MACROD2: variants seen among roughly 807,000 people sequenced by gnomAD.
MACROD2 encodes the protein ADP-ribose glycohydrolase MACROD2.
A neutral mutation model predicts 70.4 loss-of-function variants in MACROD2; 36 were observed. The ratio of observed to expected loss-of-function variants is 0.51; its 90% confidence interval spans 0.39 to 0.68. MACROD2 has a LOEUF of 0.68. Among genes scored for constraint, MACROD2 ranks in the 30% least tolerant of loss-of-function variants. The pLI, the probability that MACROD2 is intolerant of heterozygous loss-of-function variation, is 0.00. For synonymous variants in MACROD2, 172 were observed against 178.8 expected (o/e 0.96, Z 0.30); for missense variants, 496 against 538.4 (o/e 0.92, Z 0.78).
At chr20:14,381,188 C>A (rs2208452) in intron 3 of MACROD2, among the ~76,000 whole-genome samples, 42,423 of 151,964 alleles carry the variant, frequency 0.28, 6,960 homozygotes, top group South Asian at 0.58. Flanking sequence ...AAAAATCTTA[C>A]CTAATATGAA....
At chr20:14,857,575 GAC>G (rs2073268576) in intron 5 of MACROD2, among the ~76,000 whole-genome samples, 1 of 152,126 alleles carries the variant, frequency 6.6e-6, no homozygotes, top group African/African-American at 2.4e-5. Context: ...TCCAGATGTT[GAC>G]ACTACAAGTT....
At chr20:15,521,486 C>T (rs565818720) in intron 8 of MACROD2, among the ~76,000 whole-genome samples, 6 of 152,114 alleles carry the variant, frequency 3.9e-5, no homozygotes, top group South Asian at 2.1e-4. Context: ...ACTTTGAAGC[C>T]GGATAAGTAT....
At chr20:14,517,284 A>C (rs1052536028) in intron 4 of MACROD2, among the ~76,000 whole-genome samples, 5 of 152,198 alleles carry the variant, frequency 3.3e-5, no homozygotes, top group African/African-American at 1.2e-4. Context: ...ACTTGGAACC[A>C]ACCCAAATGC....
At chr20:15,448,905 G>A (rs929318971) in intron 7 of MACROD2, among the ~76,000 whole-genome samples, 1 of 152,014 alleles carries the variant, frequency 6.6e-6, no homozygotes, top group African/African-American at 2.4e-5. Flanking sequence ...GTCATCCTAG[G>A]CTAACAGTTC....
rs183463076 is a variant in MACROD2, at chr20:14,965,547, G to A, written c.419-264393G>A. 3.5e-3 allele frequency among the ~76,000 whole-genome samples: 448 copies of A among 126,422 alleles called. 5 individuals are homozygous for A. Among genetic ancestry groups the A allele is most frequent in the African/African-American group, 0.013 (433 of 33,616 alleles). The allele number at this position is 126,422 out of a possible 152,430, so 82.9% of individuals were successfully genotyped here. A position where few individuals can be genotyped will look rare whatever the true frequency, so the allele number is the denominator to read the frequency against. On this transcript the variant is annotated intron_variant, in intron 5 of 17. Coordinates refer to ENST00000684519, the MANE Select transcript of MACROD2 (RefSeq NM_001351661.2). ...CCGATCTCGGCTCACTGCAAGCTCC[G>A]CCTCCCGGGTTCACGCCATTCTCCT...
intron 6 of MACROD2, among the ~76,000 whole-genome samples, chr20:15,281,728 G>T (rs975704035): frequency 1.3e-5 from 2 of 152,286 alleles, no homozygotes; most frequent in East Asian, 3.9e-4. Flanking sequence ...GCTTCTCCAG[G>T]CCCACAGTGC....
intron 8 of MACROD2, among the ~76,000 whole-genome samples, chr20:15,721,637 A>T (rs906378848): frequency 6.6e-6 from 1 of 152,182 alleles, no homozygotes; most frequent in East Asian, 1.9e-4. Context: ...ATTTATTTTT[A>T]TCACAAATGA....
At chr20:15,214,745 A>G (rs1465622628) in intron 5 of MACROD2, among the ~76,000 whole-genome samples, 1 of 152,210 alleles carries the variant, frequency 6.6e-6, no homozygotes, top group Non-Finnish European at 1.5e-5. Context: ...TCTGTTAAAG[A>G]GAACTATTGA....
intron 8 of MACROD2, among the ~76,000 whole-genome samples, chr20:15,852,574 C>A (rs2064311528): frequency 6.6e-6 from 1 of 152,200 alleles, no homozygotes; most frequent in South Asian, 2.1e-4. Flanking sequence ...ATGGCTAATA[C>A]TTTCACGAAG....
intron 10 of MACROD2, among the ~76,000 whole-genome samples, chr20:15,900,365 T>C (rs548842103): frequency 1.3e-5 from 2 of 152,282 alleles, no homozygotes; most frequent in African/African-American, 4.8e-5. Flanking sequence ...CAGAATACAA[T>C]AAATGCCTAT....
intron 12 of MACROD2, among the ~76,000 whole-genome samples, chr20:15,965,152 A>G (rs1480505454): frequency 6.6e-6 from 1 of 152,230 alleles, no homozygotes; most frequent in African/African-American, 2.4e-5. Context: ...CTAATACTAC[A>G]TAAAATAATA....
intron 5 of MACROD2, chr20:14,895,665 A>G (rs1568860265): frequency 6.6e-6 from 1 of 152,152 alleles, no homozygotes; most frequent in Admixed American, 6.5e-5. Context: ...TAGCCTCTTT[A>G]TAAGAATCTT....
chr20:14,966,051 A>G (rs1318119650), intron 5 of MACROD2, among the ~76,000 whole-genome samples: 2 of 152,180 alleles, frequency 1.3e-5, no homozygotes, highest in Non-Finnish European at 2.9e-5. Flanking sequence ...TGAGAAAACT[A>G]ACGAGTATTT....
intron 15 of MACROD2, among the ~76,000 whole-genome samples, chr20:16,012,606 T>C (rs73898328): frequency 9.2e-5 from 14 of 152,226 alleles, no homozygotes; most frequent in Admixed American, 7.9e-4. Context: ...GGAAATGTGA[T>C]GTGTAGTGTA....
intron 4 of MACROD2, among the ~76,000 whole-genome samples, chr20:14,557,734 A>C (rs1461745386): frequency 2.0e-5 from 3 of 151,842 alleles, no homozygotes; most frequent in Non-Finnish European, 2.9e-5. Flanking sequence ...AGAATTGTTG[A>C]CCAAGATAAG....
At chr20:14,486,296 C>A (rs935985861) in intron 3 of MACROD2, among the ~76,000 whole-genome samples, 2 of 152,080 alleles carry the variant, frequency 1.3e-5, no homozygotes, top group African/African-American at 2.4e-5. Context: ...GGTAAGCTTA[C>A]AGGAAGTGAA....
chr20:15,451,891 G>A (rs1007192194), intron 7 of MACROD2, among the ~76,000 whole-genome samples: 8 of 152,126 alleles, frequency 5.3e-5, no homozygotes, highest in Admixed American at 5.2e-4. Flanking sequence ...TCAGAGAAAG[G>A]GGAAGGGCCT....
At chr20:13,998,256 A>G (rs1263907170) in intron 1 of MACROD2, among the ~76,000 whole-genome samples, 1 of 152,078 alleles carries the variant, frequency 6.6e-6, no homozygotes, top group Non-Finnish European at 1.5e-5. Context: ...ATGTTTAAAT[A>G]AACATGTTTG....
At chr20:14,569,958 A>G (rs1201596924) in intron 4 of MACROD2, among the ~76,000 whole-genome samples, 1 of 152,076 alleles carries the variant, frequency 6.6e-6, no homozygotes, top group East Asian at 1.9e-4. Flanking sequence ...CATCAGAAAC[A>G]TATTTGGTAA....
Sources: allele counts gnomAD v4.1 joint callset (sites outside exome capture counted in the v4.1 genomes callset), GRCh38; gene constraint gnomAD v4.1.1; transcripts MANE v1.5; gene names NCBI Gene and HGNC (gene_info 2026-07-23, HGNC 2026-07-21).